Variants in EIF4G3 observed in about 807,000 individuals in gnomAD.
EIF4G3 encodes the protein eukaryotic translation initiation factor 4 gamma 3.
In EIF4G3, 34 loss-of-function variants were observed where a neutral mutation model predicts 186.4. The ratio of observed to expected loss-of-function variants is 0.18; its 90% CI spans 0.14 to 0.24. EIF4G3 has a LOEUF of 0.24. EIF4G3 is among the 10% of genes least tolerant of loss of function. EIF4G3 has a pLI of 1.00. For missense variants in EIF4G3, 1,536 were observed against 1,948.5 expected (o/e 0.79, Z 3.99); for synonymous variants, 673 against 679.5 (o/e 0.99, Z 0.15).
intron 6 of EIF4G3, chr1:20,998,902 A>G (rs935364948): frequency 3.4e-5 from 12 of 353,460 alleles, no homozygotes; most frequent in Admixed American, 6.9e-5. Context: ...TATTTCCTCT[A>G]TAGAGACTTC....
intron 2 of EIF4G3, among the ~76,000 whole-genome samples, chr1:21,133,951 T>C (rs1054286964): frequency 1.3e-5 from 2 of 152,214 alleles, no homozygotes; most frequent in Non-Finnish European, 2.9e-5. Context: ...GTCGTTGAAC[T>C]GTACTTACTG....
intron 25 of EIF4G3, 77 bp downstream of exon 25, chr1:20,857,326 T>C (rs1235904174): frequency 1.8e-6 from 2 of 1,108,334 alleles, no homozygotes; most frequent in East Asian, 2.4e-5. Flanking sequence ...CTATTGTAAA[T>C]TGTGTGTGTG....
At chr1:21,084,170 G>A (rs1426557449) in intron 3 of EIF4G3, among the ~76,000 whole-genome samples, 1 of 150,216 alleles carries the variant, frequency 6.7e-6, no homozygotes, top group Admixed American at 6.7e-5. Context: ...ACTATGGTCT[G>A]TAATGTCCAT....
intron 3 of EIF4G3, among the ~76,000 whole-genome samples, chr1:21,079,483 C>T (rs1285665756): frequency 7.8e-6 from 1 of 127,570 alleles, no homozygotes; most frequent in Admixed American, 8.7e-5. Context: ...GCCTGGGCAA[C>T]ATAATGAGAC....
At chr1:20,940,694 A>AG (rs1266998906) in intron 14 of EIF4G3, among the ~76,000 whole-genome samples, 1 of 152,222 alleles carries the variant, frequency 6.6e-6, no homozygotes, top group Non-Finnish European at 1.5e-5. Context: ...ATGTTGCAGA[A>AG]GATAGGCTGT....
chr1:21,051,581 G>A (rs1300066829), intron 3 of EIF4G3, among the ~76,000 whole-genome samples: 3 of 152,180 alleles, frequency 2.0e-5, no homozygotes, highest in Non-Finnish European at 2.9e-5. Flanking sequence ...GCCAGATGCT[G>A]TGGCTTATGC....
rs781176975 is a variant in EIF4G3, at chr1:20,865,282, T to C, written c.2623-20A>G. 3.1e-6 allele frequency: 5 copies of C among 1,602,658 alleles called. No homozygotes were observed. The highest frequency in any genetic ancestry group is 2.5e-6 in the Non-Finnish European group (3 of 1,176,742). On this transcript the variant is annotated intron_variant, in intron 20 of 36. Coordinates refer to ENST00000602326, the MANE Select transcript of EIF4G3 (RefSeq NM_001391906.1). ...TTTCAGCTACATCCAGACAGGAAAA[T>C]AAAAAAAATCAACAAGATTACTTAA...
At chr1:20,850,964 G>A (rs1177982826) in intron 28 of EIF4G3, among the ~76,000 whole-genome samples, 1 of 152,186 alleles carries the variant, frequency 6.6e-6, no homozygotes, top group Non-Finnish European at 1.5e-5. Context: ...GCAACGTCAA[G>A]TGTGGGATGT....
At chr1:20,837,717 T>C (rs1033793375) in intron 30 of EIF4G3, among the ~76,000 whole-genome samples, 1 of 152,138 alleles carries the variant, frequency 6.6e-6, no homozygotes, top group Non-Finnish European at 1.5e-5. Flanking sequence ...ATGGCTCCAA[T>C]GAAATGGCCT....
intron 4 of EIF4G3, among the ~76,000 whole-genome samples, chr1:21,027,579 G>A (rs1176659418): frequency 2.0e-5 from 3 of 151,840 alleles, no homozygotes; most frequent in East Asian, 2.0e-4. Flanking sequence ...GCAGTGAGCC[G>A]AGATCGCCCC....
In EIF4G3 at chr1:21,044,650, T is replaced by G. The variant is rs944778262; in HGVS notation, c.-67+6216A>C. ...TAAACTTCATTCGTTTTTTTTTTTG[T>G]TTTTTTTTTTCCTTTGAGACAGGGT... On this transcript the variant is annotated intron_variant, in intron 4 of 36. Coordinates refer to ENST00000602326, the MANE Select transcript of EIF4G3 (RefSeq NM_001391906.1). Among the ~76,000 whole-genome samples the G allele has an allele frequency of 3.5e-4, 51 of 146,512 alleles. 1 individual carries two copies. Among genetic ancestry groups the G allele is most frequent in the South Asian group, 4.3e-4 (2 of 4,604 alleles).
At chr1:20,912,136 G>GTA (rs2093321861) in intron 14 of EIF4G3, among the ~76,000 whole-genome samples, 1 of 151,994 alleles carries the variant, frequency 6.6e-6, no homozygotes, top group Non-Finnish European at 1.5e-5. Context: ...AATTAGCCAG[G>GTA]TATAGTGTCA....
intron 2 of EIF4G3, among the ~76,000 whole-genome samples, chr1:21,173,560 C>T (rs993669152): frequency 2.0e-5 from 3 of 152,072 alleles, no homozygotes; most frequent in African/African-American, 4.8e-5. Flanking sequence ...TGGTGGCACA[C>T]GCCTGTAATC....
intron 2 of EIF4G3, among the ~76,000 whole-genome samples, chr1:21,170,584 T>A (rs1440284650): frequency 1.3e-5 from 2 of 151,916 alleles, no homozygotes; most frequent in South Asian, 4.2e-4. Context: ...GGCAGGAGAA[T>A]CACTTGAACC....
intron 2 of EIF4G3, among the ~76,000 whole-genome samples, chr1:21,160,312 T>A (rs889554645): frequency 3.3e-5 from 5 of 152,148 alleles, no homozygotes; most frequent in Non-Finnish European, 5.9e-5. Context: ...CTTTTCCTCA[T>A]AGAATTATAA....
intron 4 of EIF4G3, among the ~76,000 whole-genome samples, chr1:21,009,315 G>C (rs1369494913): frequency 6.6e-6 from 1 of 152,104 alleles, no homozygotes; most frequent in Non-Finnish European, 1.5e-5. Context: ...AAGTAGCTAG[G>C]ACTATAGGCA....
intron 4 of EIF4G3, among the ~76,000 whole-genome samples, chr1:21,015,574 C>A (rs1258966034): frequency 6.6e-6 from 1 of 151,910 alleles, no homozygotes; most frequent in Admixed American, 6.6e-5. Flanking sequence ...GCCTGGGGAA[C>A]ACAGCAAGAA....
chr1:20,821,170 A>G (rs2062249956), intron 33 of EIF4G3, among the ~76,000 whole-genome samples: 1 of 152,194 alleles, frequency 6.6e-6, no homozygotes, highest in Non-Finnish European at 1.5e-5. Context: ...CCTAAAAGAT[A>G]CTTCAGCATG....
intron 10 of EIF4G3, among the ~76,000 whole-genome samples, chr1:20,979,533 T>A (rs181183298): frequency 7.2e-5 from 11 of 152,108 alleles, no homozygotes; most frequent in African/African-American, 1.9e-4. Flanking sequence ...TGGTAGGAAA[T>A]GTTTGGAGAA....
Sources: gnomAD v4.1 joint callset for allele counts (sites outside exome capture counted in the v4.1 genomes callset) on GRCh38, gnomAD v4.1.1 for gene constraint, MANE v1.5 for transcripts, NCBI Gene and HGNC (gene_info 2026-07-23, HGNC 2026-07-21) for gene names.